PDXK: variants seen among roughly 807,000 people sequenced by gnomAD.
The protein encoded by PDXK is epididymis secretory sperm binding protein Li 1a.
In PDXK, 15 loss-of-function variants were observed where a neutral mutation model predicts 43.2. The observed-to-expected ratio is 0.35, with a 90% CI of 0.23 to 0.53. The LOEUF (loss-of-function observed/expected upper bound fraction) is 0.53. Ranked by LOEUF, PDXK falls within the 20% of genes least tolerant of loss-of-function variation. The pLI is 0.92. For synonymous variants in PDXK, 172 were observed against 165.4 expected (o/e 1.04, Z -0.31); for missense variants, 343 against 417.0 (o/e 0.82, Z 1.54).
intron 9 of PDXK, 101 bp from the exon 10 acceptor site, chr21:43,755,597 A>G: frequency 1.0e-6 from 1 of 993,836 alleles, no homozygotes; most frequent in Non-Finnish European, 1.6e-6. Flanking sequence ...CTCGGAGAGC[A>G]GGACGGCCCT....
Position 43,757,265 on chromosome 21 carries a change from A to G in PDXK, c.*1202A>G, listed in dbSNP as rs1380681784. ...CCCAGAGTTTGGGGTCCCCCCAGGTATAGCTATAGGCGGCAGTGCCTGTCC... is the reference window on the plus strand; with the variant it reads ...CCCAGAGTTTGGGGTCCCCCCAGGTGTAGCTATAGGCGGCAGTGCCTGTCC... On this transcript the variant is annotated 3_prime_UTR_variant, in exon 11 of 11. Transcript: ENST00000291565. 7 of 152,748 alleles carry G rather than the reference A, an allele frequency of 4.6e-5. No homozygotes were observed. The highest frequency in any genetic ancestry group is 1.3e-4 in the Admixed American group (2 of 15,300). The allele number at this position is 152,748 out of a possible 1,614,324, so 9.5% of individuals were successfully genotyped here. A position where few individuals can be genotyped will look rare whatever the true frequency, so the allele number is the denominator to read the frequency against.
Position 43,719,211 on chromosome 21 carries a change from C to A in PDXK, c.-84C>A. 2 of 733,596 alleles carry A rather than the reference C, an allele frequency of 2.7e-6. No homozygotes were observed. The highest frequency in any genetic ancestry group is 5.3e-5 in the South Asian group (1 of 18,946). The allele number at this position is 733,596 out of a possible 1,614,324, so 45.4% of individuals were successfully genotyped here. ...GCCGAGGGGAGCCGGGGCCGGAGCC[C>A]GAGCCCGAGCCGAGCCGGAGCCCGA... On this transcript the variant is annotated 5_prime_UTR_variant, in exon 1 of 11. Transcript: ENST00000291565.
At chr21:43,726,527 C>T (rs578101135) in intron 1 of PDXK, among the ~76,000 whole-genome samples, 12 of 152,252 alleles carry the variant, frequency 7.9e-5, no homozygotes, top group East Asian at 3.9e-4. Flanking sequence ...CTGCCCGCCT[C>T]GGCCTTCCAA....
At chr21:43,742,761 G>T (rs915578637) in intron 3 of PDXK, among the ~76,000 whole-genome samples, 1 of 152,072 alleles carries the variant, frequency 6.6e-6, no homozygotes, top group Non-Finnish European at 1.5e-5. Context: ...CCAGCTACTC[G>T]GGAAGCTCAG....
rs375810786 is a variant in PDXK, at chr21:43,732,616, A to G, written c.88-1453A>G. ...TGGCAGGATTTTCAGGATTTGTGTCATCGTTGCTTAATATCTGTTTCTTCA... is the reference window on the plus strand; with the variant it reads ...TGGCAGGATTTTCAGGATTTGTGTCGTCGTTGCTTAATATCTGTTTCTTCA... On this transcript the variant is annotated intron_variant, in intron 1 of 10. Coordinates refer to ENST00000291565, the MANE Select transcript of PDXK (RefSeq NM_003681.5). The surrounding 1 kb of genome is among the most constrained non-coding windows in gnomAD (Gnocchi z 4.1). The G allele has an allele frequency of 1.3e-6, 1 of 790,416 alleles. No individual in the cohort carries two copies. Among genetic ancestry groups the G allele is most frequent in the East Asian group, 2.4e-5 (1 of 41,294 alleles). 49.0% of individuals were successfully genotyped at this position (790,416 alleles called of 1,614,324 possible). A position where few individuals can be genotyped will look rare whatever the true frequency, so the allele number is the denominator to read the frequency against.
intron 10 of PDXK, 26 bp from the exon 11 acceptor site, chr21:43,755,925 C>A: frequency 6.4e-7 from 1 of 1,563,328 alleles, no homozygotes; most frequent in African/African-American, 1.4e-5. Context: ...GAGATGGGAA[C>A]TCAGTGCTCT....
chr21:43,742,150 TA>T (rs541942574), intron 3 of PDXK, among the ~76,000 whole-genome samples: 75 of 151,744 alleles, frequency 4.9e-4, no homozygotes, highest in Non-Finnish European at 7.7e-4. Flanking sequence ...ACTTTCTGGT[TA>T]AAAAAAAATT....
At chr21:43,728,987 A>G in intron 1 of PDXK, 1 of 985,632 alleles carries the variant, frequency 1.0e-6, no homozygotes, top group South Asian at 4.7e-5. Context: ...CTCTCTCGGC[A>G]GGAGACGGGG....
At chr21:43,724,164 C>G (rs4819304) in intron 1 of PDXK, among the ~76,000 whole-genome samples, 112,043 of 152,066 alleles carry the variant, frequency 0.74, 41,674 homozygotes, top group South Asian at 0.83. Context: ...ACCTGAGACA[C>G]CTGAGGGGGC....
rs184672382 is a variant in PDXK, at chr21:43,750,221, G to A, written c.465-279G>A. ...TGCTGAGACCCTGCGCTGTGGCATG[G>A]GCCTTAAGTGGGGGCCGTGGCTGCT... is the stretch of plus-strand genomic sequence containing the variant. On this transcript the variant is annotated intron_variant, in intron 6 of 10. Coordinates refer to ENST00000291565, the MANE Select transcript of PDXK (RefSeq NM_003681.5). Among the ~76,000 whole-genome samples, 8 of 152,354 alleles carry A rather than the reference G, an allele frequency of 5.3e-5. 1 individual carries two copies. The highest frequency in any genetic ancestry group is 1.9e-4 in the African/African-American group (8 of 41,590).
At position 43,737,686 on chromosome 21, in the gene PDXK, C is replaced by T. The variant is rs969706441; in HGVS notation, c.142+3563C>T. On this transcript the variant is annotated intron_variant, in intron 2 of 10. Coordinates refer to ENST00000291565, the MANE Select transcript of PDXK (RefSeq NM_003681.5). This position sits in a 1 kb window ranked among gnomAD's most constrained non-coding sequence, Gnocchi z 4.8. ...AAGGCCAGGGCCAGGAGCCTGCCGA[C>T]GGACACCAGCGAGGGGCCAGGCCGG... 3.3e-5 allele frequency: 24 copies of T among 729,442 alleles called. No individual in the cohort carries two copies. Among genetic ancestry groups the T allele is most frequent in the Admixed American group, 8.1e-5 (1 of 12,280 alleles). 45.2% of individuals were successfully genotyped at this position (729,442 alleles called of 1,614,324 possible).
rs562188067 is a variant in PDXK, at chr21:43,755,546, A to T, written c.760-152A>T. 1.6e-5 allele frequency: 11 copies of T among 697,002 alleles called. No homozygotes were observed. The African/African-American group carries it at 1.9e-4, about 12-fold the overall frequency. The allele number at this position is 697,002 out of a possible 1,614,324, so 43.2% of individuals were successfully genotyped here. On this transcript the variant is annotated intron_variant, in intron 9 of 10. Coordinates refer to ENST00000291565, the MANE Select transcript of PDXK (RefSeq NM_003681.5). Reference sequence around the variant, plus strand: ...GTGGGCAGTCCGCAGCCTGTCCTCCAGGGTTCAGCACGTGCATTGGCGGAG... The same window carrying T: ...GTGGGCAGTCCGCAGCCTGTCCTCCTGGGTTCAGCACGTGCATTGGCGGAG...
chr21:43,726,770 A>ATG (rs910277778), intron 1 of PDXK, among the ~76,000 whole-genome samples: 7 of 151,504 alleles, frequency 4.6e-5, no homozygotes, highest in African/African-American at 7.3e-5. Context: ...ACATCGGTGC[A>ATG]TGTGTGTGTG....
chr21:43,741,521 T>C (rs2083528217), intron 2 of PDXK, 146 bp from the exon 3 acceptor site: 1 of 1,470,500 alleles, frequency 6.8e-7, no homozygotes, highest in Non-Finnish European at 9.0e-7. Context: ...GCACTGCGCC[T>C]AGTGATCTCC....
At chr21:43,722,082 C>T (rs2083210446) in intron 1 of PDXK, among the ~76,000 whole-genome samples, 1 of 152,242 alleles carries the variant, frequency 6.6e-6, no homozygotes, top group South Asian at 2.1e-4. Context: ...CTGCCCAAGT[C>T]AAGCACAGAC....
At chr21:43,751,540 G>A (rs1188645672) in intron 7 of PDXK, among the ~76,000 whole-genome samples, 3 of 152,166 alleles carry the variant, frequency 2.0e-5, no homozygotes, top group East Asian at 1.9e-4. Flanking sequence ...CAGAGTGAGC[G>A]AGACTCCATC....
Position 43,737,751 on chromosome 21 carries a change from C to CG in PDXK, c.142+3631dup, listed in dbSNP as rs1373657068. On this transcript the variant is annotated intron_variant, in intron 2 of 10. Transcript: ENST00000291565. The surrounding 1 kb of genome is among the most constrained non-coding windows in gnomAD (Gnocchi z 4.8). ...GACGGACACCAGCGAGGGGCCAGGC[C>CG]GGGCCAGACTCCCTGGCCGGCTGGG... 1.6e-5 allele frequency: 16 copies of CG among 971,848 alleles called. No homozygotes were observed. The highest frequency in any genetic ancestry group is 1.9e-5 in the Non-Finnish European group (16 of 821,354). The allele number at this position is 971,848 out of a possible 1,614,324, so 60.2% of individuals were successfully genotyped here.
At chr21:43,752,485 G>A (rs1157262793) in intron 7 of PDXK, 33 bp from the exon 8 acceptor site, 10 of 1,440,704 alleles carry the variant, frequency 6.9e-6, no homozygotes, top group Non-Finnish European at 6.8e-6. Flanking sequence ...ACATGTGACC[G>A]GCCGTGGCTG....
At chr21:43,731,997 A>T in intron 1 of PDXK, 1 of 291,774 alleles carries the variant, frequency 3.4e-6, no homozygotes, top group Non-Finnish European at 5.7e-6. Flanking sequence ...GCATGCGATG[A>T]GGAATTCTGC....
Sources: gnomAD v4.1 joint callset for allele counts (sites outside exome capture counted in the v4.1 genomes callset) on GRCh38, gnomAD v4.1.1 for gene constraint, Gnocchi (gnomAD v3.1) non-coding constraint, MANE v1.5 for transcripts, NCBI Gene and HGNC (gene_info 2026-07-23, HGNC 2026-07-21) for gene names.